The following GLIS3 variants were observed in gnomAD, a reference collection of about 807,000 sequenced individuals.
The protein encoded by GLIS3 is zinc finger protein GLIS3.
Under a neutral mutation model 78.6 loss-of-function variants are expected in GLIS3, and 53 were observed. That is an observed-to-expected ratio of 0.67 (90% confidence interval 0.54 to 0.85). The LOEUF (loss-of-function observed/expected upper bound fraction) is 0.85, where lower values mean the gene tolerates loss of function less well. GLIS3 is among the 40% of genes least tolerant of loss of function. GLIS3 has a pLI of 0.00. For missense variants in GLIS3, 1,703 were observed against 1,231.1 expected (o/e 1.38, Z -5.74); for synonymous variants, 684 against 509.9 (o/e 1.34, Z -4.60).
chr9:4,358,272 C>T, the GLIS3 span, among the ~76,000 whole-genome samples: 4 of 152,026 alleles, frequency 2.6e-5, no homozygotes, highest in South Asian at 4.2e-4. Flanking sequence ...TTTGTATACT[C>T]GTTTTAATGC....
chr9:4,194,687 G>A (rs896478782), intron 2 of GLIS3, among the ~76,000 whole-genome samples: 4 of 152,164 alleles, frequency 2.6e-5, no homozygotes, highest in Admixed American at 6.5e-5. Context: ...GCAGCATCTC[G>A]CTGATAAAAG....
intron 2 of GLIS3, among the ~76,000 whole-genome samples, chr9:4,217,893 C>G (rs1224091148): frequency 6.6e-6 from 1 of 152,188 alleles, no homozygotes; most frequent in Non-Finnish European, 1.5e-5. Flanking sequence ...CAATAATGGC[C>G]TCTTTAAAAT....
chr9:4,336,747 G>C (rs1242757008), intron 2 of GLIS3, among the ~76,000 whole-genome samples: 4 of 152,166 alleles, frequency 2.6e-5, no homozygotes, highest in African/African-American at 7.2e-5. Flanking sequence ...CATGTCCCAA[G>C]TCCTATACAA....
intron 2 of GLIS3, among the ~76,000 whole-genome samples, chr9:4,226,459 C>A (rs1821776187): frequency 6.6e-6 from 1 of 152,120 alleles, no homozygotes; most frequent in South Asian, 2.1e-4. Context: ...ACGAGCTCCT[C>A]CCAAGAGAAA....
chr9:3,968,742 TAACCACCATA>T (rs1040022191), intron 4 of GLIS3, among the ~76,000 whole-genome samples: 1 of 152,216 alleles, frequency 6.6e-6, no homozygotes, highest in Non-Finnish European at 1.5e-5. Context: ...AGAACTCATG[TAACCACCATA>T]GATCAAGTAA....
At chr9:4,172,789 G>C (rs2131136246) in intron 2 of GLIS3, among the ~76,000 whole-genome samples, 1 of 152,258 alleles carries the variant, frequency 6.6e-6, no homozygotes, top group Middle Eastern at 3.4e-3. Context: ...CTGTTAGAAA[G>C]ACTGCAAGCT....
chr9:4,377,826 C>T, the GLIS3 span, among the ~76,000 whole-genome samples: 1 of 151,894 alleles, frequency 6.6e-6, no homozygotes, highest in Admixed American at 6.6e-5. Context: ...TTTAGTTGGG[C>T]AATGGAGGAA....
At chr9:3,860,098 A>AGTC (rs920893347) in intron 8 of GLIS3, among the ~76,000 whole-genome samples, 7 of 151,972 alleles carry the variant, frequency 4.6e-5, no homozygotes, top group Non-Finnish European at 7.4e-5. Context: ...ACACGGTGAA[A>AGTC]GTCTGTCTCT....
chr9:4,068,929 G>T (rs1168955254), intron 4 of GLIS3, among the ~76,000 whole-genome samples: 1 of 151,794 alleles, frequency 6.6e-6, no homozygotes. Flanking sequence ...TGATTAAAGG[G>T]TATCAGAAAA....
chr9:4,273,636 T>TAAATAA, intron 2 of GLIS3, among the ~76,000 whole-genome samples: 1 of 150,018 alleles, frequency 6.7e-6, no homozygotes, highest in Non-Finnish European at 1.5e-5. Context: ...AATAAATAAA[T>TAAATAA]GTATTTTCAC....
intron 4 of GLIS3, among the ~76,000 whole-genome samples, chr9:4,079,401 C>A (rs542491595): frequency 3.3e-5 from 5 of 152,278 alleles, no homozygotes; most frequent in African/African-American, 1.2e-4. Flanking sequence ...CCTTAAACTG[C>A]AGGATTTGCA....
the GLIS3 span, among the ~76,000 whole-genome samples, chr9:4,488,299 T>G: frequency 6.6e-6 from 1 of 152,072 alleles, no homozygotes; most frequent in African/African-American, 2.4e-5. Context: ...TACATGCAAT[T>G]TTAGTATTTC....
the GLIS3 span, among the ~76,000 whole-genome samples, chr9:4,383,219 G>A: frequency 0.85 from 128,766 of 152,190 alleles, 54,881 homozygotes; most frequent in Non-Finnish European, 0.9. Context: ...TTAACATTCT[G>A]TAGAACAAGT....
chr9:4,296,853 A>C (rs185185422), intron 1 of GLIS3, among the ~76,000 whole-genome samples: 7 of 150,796 alleles, frequency 4.6e-5, no homozygotes, highest in Admixed American at 4.6e-4. Context: ...ATAAATGAAA[A>C]CTGCAGTACG....
At chr9:4,058,816 T>C (rs190514157) in intron 4 of GLIS3, among the ~76,000 whole-genome samples, 1 of 151,620 alleles carries the variant, frequency 6.6e-6, no homozygotes, top group Non-Finnish European at 1.5e-5. Context: ...CCATCTCTAC[T>C]AAAAAATACA....
the GLIS3 span, among the ~76,000 whole-genome samples, chr9:4,386,816 C>G: frequency 6.6e-6 from 1 of 152,174 alleles, no homozygotes; most frequent in Non-Finnish European, 1.5e-5. Flanking sequence ...TTCCCTGCCT[C>G]CAGACCCTAT....
chr9:4,416,247 G>GT, the GLIS3 span, among the ~76,000 whole-genome samples: 1,442 of 54,304 alleles, frequency 0.027, 139 homozygotes, highest in African/African-American at 0.091. Context: ...GTGAGACACT[G>GT]TTTTTAAAAA....
At chr9:4,301,345 A>G (rs1317460017), upstream of GLIS3, among the ~76,000 whole-genome samples, 1 of 152,228 alleles carries the variant, frequency 6.6e-6, no homozygotes, top group African/African-American at 2.4e-5. Context: ...CAAGCCCAAG[A>G]TGGCAATAGA....
chr9:3,949,787 CTCTT>C (rs1377165172), intron 4 of GLIS3, among the ~76,000 whole-genome samples: 2 of 152,184 alleles, frequency 1.3e-5, no homozygotes, highest in African/African-American at 2.4e-5. Context: ...ACTTTCAAGT[CTCTT>C]TGAGGCAAAA....
Sources: gnomAD v4.1 joint callset for allele counts (sites outside exome capture counted in the v4.1 genomes callset) on GRCh38, gnomAD v4.1.1 for gene constraint, MANE v1.5 for transcripts, NCBI Gene and HGNC (gene_info 2026-07-23, HGNC 2026-07-21) for gene names.